The following RDH12 variants were observed in gnomAD, a reference collection of about 807,000 sequenced individuals.
The protein encoded by RDH12 is retinol dehydrogenase 12.
Under a neutral mutation model 34.0 loss-of-function variants are expected in RDH12, and 21 were observed. The observed-to-expected ratio is 0.62, with a 90% CI of 0.44 to 0.89. The LOEUF is 0.89. Ranked by LOEUF, RDH12 falls within the 40% of genes least tolerant of loss-of-function variation. The pLI is 0.00. For missense variants in RDH12, 394 were observed against 398.6 expected (o/e 0.99, Z 0.10); for synonymous variants, 198 against 169.9 (o/e 1.17, Z -1.29).
At chr14:67,729,152 G>A in intron 7 of RDH12, 39 bp from the exon 8 acceptor site, 1 of 1,602,572 alleles carries the variant, frequency 6.2e-7, no homozygotes, top group Non-Finnish European at 8.5e-7. Flanking sequence ...CCTGGGCTCA[G>A]AGTGTGTCCC....
At position 67,722,701 on chromosome 14, in the gene RDH12, C is replaced by T. The variant is rs778090356; in HGVS notation, c.59C>T (p.Pro20Leu). The T allele has an allele frequency of 5.6e-6, 9 of 1,613,522 alleles. No homozygotes were observed. In the East Asian group the frequency reaches 2.0e-4, roughly 36 times the overall value. Residue 20 changes from proline to leucine, a missense_variant, in exon 3 of 9, where the codon CCA becomes CTA. By Grantham distance (98) the Pro-to-Leu change is moderately conservative. Transcript: ENST00000551171. Reference sequence around the variant, plus strand: ...TTCTCGTTCCTGTATATGGTAGCTCCATCCATCAGGTTTGTCTTAATTCAG... The same window carrying T: ...TTCTCGTTCCTGTATATGGTAGCTCTATCCATCAGGTTTGTCTTAATTCAG... The part of the protein sequence containing the change: ...SFFSFLYMVA[P>L]SIRKFFAGGV...
At position 67,725,138 on chromosome 14, in the gene RDH12, G is replaced by T; in HGVS notation, c.227G>T (p.Gly76Val). The T allele has an allele frequency of 6.2e-7, 1 of 1,614,166 alleles. No homozygotes were observed. The highest frequency in any genetic ancestry group is 8.5e-7 in the Non-Finnish European group (1 of 1,180,034). ...VYIACRDVLK[G>V]ESAASEIRVD... ...ATTGCCTGCAGAGATGTACTGAAGG[G>T]GGAGTCTGCTGCCAGTGAAATCCGA... The change falls in exon 5 of 9, where the codon GGG (glycine) becomes GTG (valine). Residue 76 changes from glycine to valine, a missense_variant. Coordinates refer to ENST00000551171, the MANE Select transcript of RDH12 (RefSeq NM_152443.3).
chr14:67,729,377 T>G lies in RDH12; in HGVS notation c.845T>G (p.Phe282Cys). The G allele has an allele frequency of 6.3e-7, 1 of 1,597,404 alleles. No individual in the cohort carries two copies. The highest frequency in any genetic ancestry group is 8.5e-7 in the Non-Finnish European group (1 of 1,179,752). ...CTGGAGCCCCTGAGTGGCAAGTACT[T>G]CAGGTGTGTGAAGGCAATGCGGTTC... is the stretch of plus-strand genomic sequence containing the variant. ...EGLEPLSGKY[F>C]SDCKRTWVSP... Residue 282 changes from phenylalanine to cysteine, a missense_variant, in exon 8 of 9, where the codon TTC becomes TGC. Physicochemically the swap from Phe to Cys is radical, Grantham distance 205. Transcript: ENST00000551171.
chr14:67,714,781 G>C lies in RDH12; in HGVS notation c.-274-6067G>C, dbSNP rs1380414849. On this transcript the variant is annotated intron_variant, in intron 1 of 8. Coordinates refer to ENST00000551171, the MANE Select transcript of RDH12 (RefSeq NM_152443.3). Reference sequence around the variant, plus strand: ...AGGGATTTTTGAAATTAAATGTTAGGCAATTTTTAAAAATAAAAGAGGGCC... The same window carrying C: ...AGGGATTTTTGAAATTAAATGTTAGCCAATTTTTAAAAATAAAAGAGGGCC... 2.0e-5 allele frequency: 3 copies of C among 152,218 alleles called. No individual in the cohort carries two copies. The East Asian group carries it at 5.8e-4, about 29-fold the overall frequency. The allele number at this position is 152,218 out of a possible 1,614,324, so 9.4% of individuals were successfully genotyped here. A position where few individuals can be genotyped will look rare whatever the true frequency, so the allele number is the denominator to read the frequency against.
At chr14:67,720,565 A>G (rs2038113395) in intron 1 of RDH12, among the ~76,000 whole-genome samples, 1 of 152,220 alleles carries the variant, frequency 6.6e-6, no homozygotes, top group African/African-American at 2.4e-5. Context: ...TACTTTGTTA[A>G]TTAAATCATC....
At chr14:67,719,958 C>T (rs935899409) in intron 1 of RDH12, among the ~76,000 whole-genome samples, 6 of 152,068 alleles carry the variant, frequency 3.9e-5, no homozygotes, top group Admixed American at 2.6e-4. Flanking sequence ...ACATGGAAGT[C>T]GAATGTTTAG....
chr14:67,733,708 C>A, intron 8 of RDH12, 38 bp from the exon 9 acceptor site: 1 of 1,398,456 alleles, frequency 7.2e-7, no homozygotes, highest in South Asian at 1.2e-5. Flanking sequence ...ACTGCTAATT[C>A]TCATTCCTGG....
At position 67,724,483 on chromosome 14, in the gene RDH12, G is replaced by C. The variant is rs1362164354; in HGVS notation, c.79G>C (p.Ala27Pro). 3 of 1,604,092 alleles carry C rather than the reference G, an allele frequency of 1.9e-6. No individual in the cohort carries two copies. Among genetic ancestry groups the C allele is most frequent in the Non-Finnish European group, 2.6e-6 (3 of 1,174,418 alleles). Residue 27 changes from alanine (A) to proline (P), a missense_variant, in exon 4 of 9, where the codon GCT becomes CCT. Ala to Pro is a conservative substitution (Grantham distance 27). Transcript: ENST00000551171. ...TTCCCTTGCCGATAGGAAGTTCTTT[G>C]CTGGTGGAGTGTGTAGAACAAATGT... ...MVAPSIRKFF[A>P]GGVCRTNVQL...
At position 67,734,131 on chromosome 14, in the gene RDH12, T is replaced by G. The variant is rs2038322885; in HGVS notation, c.*283T>G. ...GACTGGGCAGATCCCAGGCTGGGCA[T>G]GGGGGTGGCAGAAGAGCCCGAGAAA... On this transcript the variant is annotated 3_prime_UTR_variant, in exon 9 of 9. Transcript: ENST00000551171. The G allele has an allele frequency of 3.5e-5, 12 of 341,240 alleles. No individual in the cohort carries two copies. Among genetic ancestry groups the G allele is most frequent in the South Asian group, 3.2e-4 (12 of 37,962 alleles). The allele number at this position is 341,240 out of a possible 1,614,324, so 21.1% of individuals were successfully genotyped here.
At chr14:67,729,909 G>T in intron 8 of RDH12, 1 of 433,222 alleles carries the variant, frequency 2.3e-6, no homozygotes, top group Non-Finnish European at 4.6e-6. Context: ...GGAAGCCCAG[G>T]GTGAAATCTC....
rs752589582 is a variant in RDH12, at chr14:67,734,404, C to A, written c.*556C>A. 6.5e-6 allele frequency: 1 copy of A among 155,012 alleles called. No homozygotes were observed. Among genetic ancestry groups the A allele is most frequent in the Non-Finnish European group, 1.4e-5 (1 of 69,864 alleles). 9.6% of individuals were successfully genotyped at this position (155,012 alleles called of 1,614,324 possible). On this transcript the variant is annotated 3_prime_UTR_variant, in exon 9 of 9. Coordinates refer to ENST00000551171, the MANE Select transcript of RDH12 (RefSeq NM_152443.3). ...AGATGGTTTCTTTTTGTAAAGAGTT[C>A]CGTTTGCCTTTCAATTTTTAGAGAA...
intron 1 of RDH12, among the ~76,000 whole-genome samples, chr14:67,711,308 T>G (rs780492508): frequency 6.6e-6 from 1 of 152,220 alleles, no homozygotes; most frequent in Non-Finnish European, 1.5e-5. Flanking sequence ...TGACACCTTA[T>G]AGTGTTTGGC....
At chr14:67,712,946 T>G (rs958625112) in intron 1 of RDH12, among the ~76,000 whole-genome samples, 1 of 152,166 alleles carries the variant, frequency 6.6e-6, no homozygotes, top group Non-Finnish European at 1.5e-5. Context: ...CCACCCTTTT[T>G]TGTGTGTGGG....
chr14:67,728,231 G>T (rs990719957), intron 7 of RDH12: 1 of 152,200 alleles, frequency 6.6e-6, no homozygotes, highest in Non-Finnish European at 1.5e-5. Context: ...TACAGTAGAA[G>T]AAGACGGTAA....
At chr14:67,711,289 G>A (rs1170390746) in intron 1 of RDH12, among the ~76,000 whole-genome samples, 2 of 152,264 alleles carry the variant, frequency 1.3e-5, no homozygotes, top group Non-Finnish European at 1.5e-5. Flanking sequence ...TAATCCCTAT[G>A]CCAAATTTTG....
chr14:67,702,422 AT>A (rs1231376969), intron 1 of RDH12, among the ~76,000 whole-genome samples: 5 of 152,154 alleles, frequency 3.3e-5, no homozygotes, highest in Non-Finnish European at 7.3e-5. Flanking sequence ...ACAATATTAA[AT>A]TAGTCTTACT....
intron 6 of RDH12, 100 bp from the exon 7 acceptor site, chr14:67,726,881 C>A: frequency 2.8e-6 from 3 of 1,073,648 alleles, no homozygotes; most frequent in East Asian, 2.5e-5. Flanking sequence ...TGGTTCACAC[C>A]CAGAAGATAG....
intron 1 of RDH12, among the ~76,000 whole-genome samples, chr14:67,706,932 G>A (rs2037956802): frequency 6.6e-6 from 1 of 152,182 alleles, no homozygotes; most frequent in South Asian, 2.1e-4. Context: ...CATGTCCTAT[G>A]CAGAGAAATT....
chr14:67,722,377 T>G (rs2038133867), intron 2 of RDH12, 47 bp from the exon 3 acceptor site: 2 of 560,996 alleles, frequency 3.6e-6, no homozygotes, highest in Non-Finnish European at 6.4e-6. Context: ...TCTTTGCCAG[T>G]AAACCTAAGT....
Sources: allele counts gnomAD v4.1 joint callset (sites outside exome capture counted in the v4.1 genomes callset), GRCh38; gene constraint gnomAD v4.1.1; transcripts MANE v1.5; gene names NCBI Gene and HGNC (gene_info 2026-07-23, HGNC 2026-07-21).